The following TBCD variants were observed in gnomAD, a reference collection of about 807,000 sequenced individuals.
TBCD encodes the protein tubulin folding cofactor D, also known as tubulin-specific chaperone D.
A neutral mutation model predicts 169.3 loss-of-function variants in TBCD; 105 were observed. That is an observed-to-expected ratio of 0.62 (90% CI 0.53 to 0.73). TBCD has a LOEUF of 0.73. Among genes scored for constraint, TBCD ranks in the 30% least tolerant of loss-of-function variants. The pLI, the probability that TBCD is intolerant of heterozygous loss-of-function variation, is 0.00. For missense variants in TBCD, 1,444 were observed against 1,600.1 expected (o/e 0.90, Z 1.66); for synonymous variants, 700 against 643.9 (o/e 1.09, Z -1.32).
At chr17:82,902,789 C>A (rs1374825951) in intron 18 of TBCD, among the ~76,000 whole-genome samples, 1 of 152,188 alleles carries the variant, frequency 6.6e-6, no homozygotes, top group African/African-American at 2.4e-5. Flanking sequence ...TAAGTCAGGA[C>A]CACTTGCTGC....
intron 12 of TBCD, 56 bp downstream of exon 12, chr17:82,809,838 G>A: frequency 6.5e-7 from 1 of 1,540,910 alleles, no homozygotes; most frequent in Non-Finnish European, 8.9e-7. Flanking sequence ...GAGAAGCCCT[G>A]GCTTTCCTTA....
At chr17:82,941,584 ACGGCCCGTTCC>A (rs1467505743) in intron 38 of TBCD, 101 bp downstream of exon 38, 19 of 1,056,586 alleles carry the variant, frequency 1.8e-5, no homozygotes, top group Non-Finnish European at 2.5e-5. Context: ...GCACGTCCAC[ACGGCCCGTTCC>A]CTCGTCTCAT....
At chr17:82,867,674 A>T (rs2057273984) in intron 13 of TBCD, among the ~76,000 whole-genome samples, 1 of 152,312 alleles carries the variant, frequency 6.6e-6, no homozygotes, top group East Asian at 1.9e-4. Context: ...GAACCCGCTT[A>T]TTAGAGTCAG....
chr17:82,812,378 T>G (rs2051510586), intron 12 of TBCD, among the ~76,000 whole-genome samples: 2 of 152,092 alleles, frequency 1.3e-5, no homozygotes, highest in Admixed American at 1.3e-4. Context: ...CTGTTGAGCT[T>G]TACGGTTTCA....
At chr17:82,830,985 T>G in intron 13 of TBCD, 1 of 1,613,670 alleles carries the variant, frequency 6.2e-7, no homozygotes, top group South Asian at 1.1e-5. Context: ...CCAGAAACAT[T>G]CCCTTGGAGG....
At chr17:82,918,558 A>G (rs1037012470) in intron 23 of TBCD, 6 of 152,140 alleles carry the variant, frequency 3.9e-5, no homozygotes, top group Middle Eastern at 3.4e-3. Flanking sequence ...GGCTATTTCT[A>G]TCTGTTGCTG....
chr17:82,814,946 A>T lies in TBCD; in HGVS notation c.1318+12A>T. On this transcript the variant is annotated intron_variant, in intron 13 of 38. Transcript: ENST00000355528. ...TCGACTCGTGGATGGTGAGTAGCTG[A>T]GGCACGGTCAGGGGGGATGTCTGGC... 6.2e-7 allele frequency: 1 copy of T among 1,610,810 alleles called. No individual in the cohort carries two copies. Among genetic ancestry groups the T allele is most frequent in the Non-Finnish European group, 8.5e-7 (1 of 1,179,174 alleles).
rs762933643 is a variant in TBCD at position 82,941,367 on chromosome 17, CGA to C, written c.3480-27_3480-26del. On this transcript the variant is annotated intron_variant, in intron 37 of 38. Coordinates refer to ENST00000355528, the MANE Select transcript of TBCD (RefSeq NM_005993.5). The stretch of plus-strand genomic sequence containing the variant: ...CACCTGAGGTTCTCCGGTGGGCACT[CGA>C]GAGACTCACGGCTCTCCCTCTCCTC... 1.3e-5 allele frequency: 20 copies of C among 1,546,754 alleles called. No individual in the cohort carries two copies. The African/African-American group carries it at 1.8e-4, about 14-fold the overall frequency.
At chr17:82,793,885 G>T (rs531975789) in intron 7 of TBCD, among the ~76,000 whole-genome samples, 10 of 152,288 alleles carry the variant, frequency 6.6e-5, no homozygotes, top group Admixed American at 5.2e-4. Flanking sequence ...CCATTTCTTG[G>T]TGTCGGAGCA....
chr17:82,753,869 T>A (rs1211180705), intron 1 of TBCD, among the ~76,000 whole-genome samples: 2 of 21,320 alleles, frequency 9.4e-5, no homozygotes, highest in South Asian at 1.6e-3. Context: ...AGACTAGAGG[T>A]TTTTTTTTTT....
intron 16 of TBCD, among the ~76,000 whole-genome samples, chr17:82,891,984 G>A (rs989064704): frequency 6.6e-6 from 1 of 152,082 alleles, no homozygotes; most frequent in Non-Finnish European, 1.5e-5. Flanking sequence ...CCAGGCCCCC[G>A]ACACCATCAG....
intron 7 of TBCD, among the ~76,000 whole-genome samples, chr17:82,795,228 G>A (rs77036812): frequency 0.021 from 3,126 of 152,322 alleles, 112 homozygotes; most frequent in African/African-American, 0.07. Context: ...ACCAGACGAC[G>A]TGTTAGCCCG....
chr17:82,768,911 C>T (rs756981038), intron 5 of TBCD, among the ~76,000 whole-genome samples: 1 of 152,000 alleles, frequency 6.6e-6, no homozygotes, highest in Admixed American at 6.6e-5. Context: ...TGTAGGAGAA[C>T]TAGAAAATAA....
intron 30 of TBCD, 136 bp downstream of exon 30, chr17:82,928,124 GGTCCCT>G (rs2061909577): frequency 1.3e-6 from 1 of 759,178 alleles, no homozygotes; most frequent in Non-Finnish European, 2.2e-6. Flanking sequence ...GAGCCTCTCT[GGTCCCT>G]GACCCCAGGT....
intron 14 of TBCD, among the ~76,000 whole-genome samples, chr17:82,882,026 T>A (rs2058391803): frequency 6.6e-6 from 1 of 151,398 alleles, no homozygotes; most frequent in Non-Finnish European, 1.5e-5. Context: ...CCACCCAACC[T>A]TTGGCCTCTC....
In TBCD at chr17:82,922,668, T is replaced by G. The variant is rs1361631643; in HGVS notation, c.2179-984T>G. ...CACACTGGCCATGATGCTGGTGCAC[T>G]TTGCCCCTGGGATTGGCACAGGTGG... On this transcript the variant is annotated intron_variant, in intron 25 of 38. Coordinates refer to ENST00000355528, the MANE Select transcript of TBCD (RefSeq NM_005993.5). The surrounding 1 kb of genome is among the most constrained non-coding windows in gnomAD (Gnocchi z 4.1). Among the ~76,000 whole-genome samples the G allele has an allele frequency of 6.6e-6, 1 of 152,226 alleles. No individual in the cohort carries two copies. The highest frequency in any genetic ancestry group is 1.5e-5 in the Non-Finnish European group (1 of 68,044).
At chr17:82,772,592 C>A (rs2048362992) in intron 6 of TBCD, 85 bp downstream of exon 6, 2 of 1,419,578 alleles carry the variant, frequency 1.4e-6, no homozygotes, top group Admixed American at 1.7e-5. Context: ...TGTGCGTCTT[C>A]AGTCCTCAGA....
intron 1 of TBCD, among the ~76,000 whole-genome samples, chr17:82,754,393 A>G (rs888654761): frequency 1.3e-5 from 2 of 152,218 alleles, no homozygotes; most frequent in African/African-American, 4.8e-5. Context: ...GGTGTCAGAC[A>G]TGGAAACAAT....
intron 13 of TBCD, chr17:82,838,950 A>G (rs2145410775): frequency 6.1e-6 from 6 of 985,430 alleles, no homozygotes; most frequent in Non-Finnish European, 7.2e-6. Flanking sequence ...ATGTGGACGG[A>G]CTGTGCTTGG....
Sources: gnomAD v4.1 joint callset for allele counts (sites outside exome capture counted in the v4.1 genomes callset) on GRCh38, gnomAD v4.1.1 for gene constraint, Gnocchi (gnomAD v3.1) non-coding constraint, MANE v1.5 for transcripts, NCBI Gene and HGNC (gene_info 2026-07-23, HGNC 2026-07-21) for gene names.